The following CERS6 variants were observed in gnomAD, a reference collection of about 807,000 sequenced individuals.
The protein encoded by CERS6 is LAG1 homolog, ceramide synthase 6.
CERS6 carries 26 observed loss-of-function variants against 56.8 expected under a neutral mutation model. The ratio of observed to expected loss-of-function variants is 0.46; its 90% CI spans 0.34 to 0.63. The LOEUF is 0.63. CERS6 is among the 30% of genes least tolerant of loss of function. The pLI is 0.01. For missense variants in CERS6, 415 were observed against 467.5 expected, an observed-to-expected ratio of 0.89 and a Z score of 1.04; for synonymous variants, 164 against 173.3, an observed-to-expected ratio of 0.95 and a Z score of 0.42.
At chr2:168,759,780 CA>C (rs1031429148) in intron 8 of CERS6, among the ~76,000 whole-genome samples, 8 of 151,834 alleles carry the variant, frequency 5.3e-5, no homozygotes, top group African/African-American at 1.9e-4. Flanking sequence ...TTTTGTGAAG[CA>C]AAAACAAAGT....
chr2:168,721,794 T>C (rs1460145746), intron 8 of CERS6, among the ~76,000 whole-genome samples: 1 of 151,880 alleles, frequency 6.6e-6, no homozygotes, highest in Non-Finnish European at 1.5e-5. Context: ...GATTTATTTA[T>C]TTATTTGTAG....
intron 3 of CERS6, among the ~76,000 whole-genome samples, chr2:168,599,583 G>A (rs17204717): frequency 0.063 from 9,524 of 152,232 alleles, 423 homozygotes; most frequent in Non-Finnish European, 0.093. Flanking sequence ...TAGTAACCCC[G>A]ATTAGAAAAC....
At chr2:168,603,324 A>G (rs1285409093) in intron 3 of CERS6, among the ~76,000 whole-genome samples, 1 of 152,180 alleles carries the variant, frequency 6.6e-6, no homozygotes, top group Non-Finnish European at 1.5e-5. Flanking sequence ...CTACTTGTGC[A>G]GTGAGGGAGG....
At chr2:168,552,231 A>T (rs1695585773) in intron 2 of CERS6, among the ~76,000 whole-genome samples, 1 of 152,044 alleles carries the variant, frequency 6.6e-6, no homozygotes, top group Non-Finnish European at 1.5e-5. Flanking sequence ...TGTTTGTAAT[A>T]TATAAATGTT....
intron 3 of CERS6, among the ~76,000 whole-genome samples, chr2:168,562,535 T>G (rs961985664): frequency 3.9e-5 from 6 of 152,122 alleles, no homozygotes; most frequent in Admixed American, 6.5e-5. Flanking sequence ...ATGTTAGAAT[T>G]AAGTTCAAGG....
intron 1 of CERS6, among the ~76,000 whole-genome samples, chr2:168,517,652 G>A (rs1694908016): frequency 6.6e-6 from 1 of 152,006 alleles, no homozygotes; most frequent in Non-Finnish European, 1.5e-5. Context: ...GGCTAGTGGG[G>A]CAAAAGTAGC....
chr2:168,687,463 C>A (rs1279306620), intron 4 of CERS6, among the ~76,000 whole-genome samples: 1 of 152,146 alleles, frequency 6.6e-6, no homozygotes, highest in East Asian at 1.9e-4. Flanking sequence ...AGAATTTCAT[C>A]CCCAAGCCCA....
chr2:168,737,224 G>A (rs765141065), intron 8 of CERS6, among the ~76,000 whole-genome samples: 5 of 152,136 alleles, frequency 3.3e-5, no homozygotes, highest in Non-Finnish European at 5.9e-5. Flanking sequence ...TAATACATAA[G>A]AGGGTCTCAG....
intron 3 of CERS6, among the ~76,000 whole-genome samples, chr2:168,628,165 T>C (rs2105292375): frequency 6.6e-6 from 1 of 152,336 alleles, no homozygotes; most frequent in African/African-American, 2.4e-5. Context: ...TGTTCTTCCT[T>C]TGAATCTTTA....
rs115056627 is a variant in CERS6 at position 168,593,132 on chromosome 2, G to T, written c.407+31810G>T. Among the ~76,000 whole-genome samples, 1,140 of 152,180 alleles carry T rather than the reference G, an allele frequency of 7.5e-3. 5 individuals are homozygous for T. The highest frequency in any genetic ancestry group is 0.012 in the Non-Finnish European group (834 of 68,006). On this transcript the variant is annotated intron_variant, in intron 3 of 9. Transcript: ENST00000305747. ...TGACACTCCTATTTCCTCTAATTCTGTTGCCTCCTTTTTTCCCTTATAAGA... is the reference window on the plus strand; with the variant it reads ...TGACACTCCTATTTCCTCTAATTCTTTTGCCTCCTTTTTTCCCTTATAAGA...
At chr2:168,631,574 A>AT (rs1383214592) in intron 4 of CERS6, among the ~76,000 whole-genome samples, 3 of 118,448 alleles carry the variant, frequency 2.5e-5, no homozygotes, top group African/African-American at 3.4e-5. Flanking sequence ...TATTAAATAT[A>AT]ATATATATTT....
chr2:168,556,923 G>T (rs1487647720), intron 2 of CERS6, among the ~76,000 whole-genome samples: 1 of 150,170 alleles, frequency 6.7e-6, no homozygotes, highest in Admixed American at 6.7e-5. Context: ...AGGAGGCTGA[G>T]GTGGGAAGAC....
chr2:168,665,095 G>A (rs1338139454), intron 4 of CERS6, among the ~76,000 whole-genome samples: 1 of 152,128 alleles, frequency 6.6e-6, no homozygotes, highest in African/African-American at 2.4e-5. Context: ...CACAAACACA[G>A]TTGCCACATC....
chr2:168,482,520 T>C (rs1694195220), intron 1 of CERS6, among the ~76,000 whole-genome samples: 1 of 152,216 alleles, frequency 6.6e-6, no homozygotes, highest in Admixed American at 6.5e-5. Context: ...ATATTATGAG[T>C]GGTCTTGCTT....
At chr2:168,628,791 A>G (rs1001684288) in intron 3 of CERS6, among the ~76,000 whole-genome samples, 1 of 151,864 alleles carries the variant, frequency 6.6e-6, no homozygotes, top group Admixed American at 6.6e-5. Context: ...TTCACTGTTA[A>G]TCACATTTTT....
chr2:168,716,359 T>C (rs1362564142), intron 7 of CERS6, among the ~76,000 whole-genome samples: 1 of 152,146 alleles, frequency 6.6e-6, no homozygotes, highest in Non-Finnish European at 1.5e-5. Flanking sequence ...CCTAAGGCTG[T>C]ACAATCAATC....
chr2:168,543,633 A>G (rs1394477108), intron 1 of CERS6, among the ~76,000 whole-genome samples: 1 of 152,226 alleles, frequency 6.6e-6, no homozygotes. Context: ...ATTTTCATAT[A>G]ATCAGTAATA....
At chr2:168,535,325 C>T (rs946867402) in intron 1 of CERS6, among the ~76,000 whole-genome samples, 1 of 152,194 alleles carries the variant, frequency 6.6e-6, no homozygotes, top group Non-Finnish European at 1.5e-5. Context: ...GGACGCTAGG[C>T]CCCGGTGGAA....
At chr2:168,750,745 A>G (rs192397281) in intron 8 of CERS6, among the ~76,000 whole-genome samples, 8 of 152,330 alleles carry the variant, frequency 5.3e-5, no homozygotes, top group Admixed American at 2.6e-4. Context: ...ATTCCTGATT[A>G]CTTCCATAGG....
Sources: gnomAD v4.1 joint callset for allele counts (sites outside exome capture counted in the v4.1 genomes callset) on GRCh38, gnomAD v4.1.1 for gene constraint, MANE v1.5 for transcripts, NCBI Gene and HGNC (gene_info 2026-07-23, HGNC 2026-07-21) for gene names.